The following SUMF1 variants were observed in gnomAD, a reference collection of about 807,000 sequenced individuals.
The protein encoded by SUMF1 is sulfatase modifying factor 1.
A neutral mutation model predicts 47.6 loss-of-function variants in SUMF1; 48 were observed. That is an observed-to-expected ratio of 1.01 (90% CI 0.80 to 1.28). The LOEUF (loss-of-function observed/expected upper bound fraction) is 1.28. Among genes scored for constraint, SUMF1 ranks in the 50% most tolerant of loss-of-function variants. The pLI is 0.00. For synonymous variants in SUMF1, 230 were observed against 192.1 expected, an observed-to-expected ratio of 1.20 and a Z score of -1.63; for missense variants, 571 against 485.4, an observed-to-expected ratio of 1.18 and a Z score of -1.66.
At chr3:4,144,053 C>A (rs1390272181) in intron 8 of SUMF1, among the ~76,000 whole-genome samples, 1 of 149,668 alleles carries the variant, frequency 6.7e-6, no homozygotes, top group East Asian at 2.0e-4. Flanking sequence ...TGTAGTGGCC[C>A]GATCTCGGCT....
At chr3:4,040,668 G>A (rs1178054632) in intron 9 of SUMF1, among the ~76,000 whole-genome samples, 1 of 152,168 alleles carries the variant, frequency 6.6e-6, no homozygotes, top group Admixed American at 6.5e-5. Context: ...TGATTTAGCA[G>A]CAGTATGTCA....
rs145280874 is a variant in SUMF1, at chr3:4,093,951, C to G, written c.1015-25206G>C. On this transcript the variant is annotated intron_variant and NMD_transcript_variant, in intron 8 of 12. Transcript: ENST00000448413. ...TAGGTAGATTAGGCAGGTATATATC[C>G]AAAATGGGAATTGGAAAGAGATTCG... 1.2e-3 allele frequency among the ~76,000 whole-genome samples: 185 copies of G among 151,908 alleles called. 2 individuals carry two copies. Among genetic ancestry groups the G allele is most frequent in the African/African-American group, 4.1e-3 (171 of 41,380 alleles).
intron 1 of SUMF1, among the ~76,000 whole-genome samples, chr3:4,457,508 C>A (rs759360926): frequency 5.9e-5 from 9 of 152,010 alleles, no homozygotes; most frequent in Non-Finnish European, 1.0e-4. Flanking sequence ...TACTACAAAC[C>A]TAATCAAATG....
intron 8 of SUMF1, among the ~76,000 whole-genome samples, chr3:4,168,597 T>C (rs555191650): frequency 2.0e-5 from 3 of 152,358 alleles, no homozygotes; most frequent in Admixed American, 6.5e-5. Flanking sequence ...TATACTTTTA[T>C]GTGTACATAT....
chr3:4,039,623 TGTTGG>T (rs1694872408), intron 9 of SUMF1, among the ~76,000 whole-genome samples: 1 of 148,094 alleles, frequency 6.8e-6, no homozygotes, highest in African/African-American at 2.6e-5. Context: ...AGTCTATCAT[TGTTGG>T]ACATTTGGGT....
intron 8 of SUMF1, among the ~76,000 whole-genome samples, chr3:4,143,006 T>G (rs558816943): frequency 6.6e-6 from 1 of 152,164 alleles, no homozygotes; most frequent in African/African-American, 2.4e-5. Flanking sequence ...CAAAGAATAC[T>G]CTGACAAAGT....
intron 8 of SUMF1, among the ~76,000 whole-genome samples, chr3:4,238,616 G>A (rs1425721557): frequency 6.6e-6 from 1 of 152,026 alleles, no homozygotes; most frequent in African/African-American, 2.4e-5. Flanking sequence ...CTTTTTGATG[G>A]GGTTGTTTCT....
intron 7 of SUMF1, among the ~76,000 whole-genome samples, chr3:4,396,027 A>G (rs1356994648): frequency 6.6e-6 from 1 of 152,240 alleles, no homozygotes; most frequent in Non-Finnish European, 1.5e-5. Context: ...AGGATACTTT[A>G]GAGATTGAAA....
At chr3:4,328,617 C>T (rs969929518) in intron 8 of SUMF1, among the ~76,000 whole-genome samples, 13 of 152,132 alleles carry the variant, frequency 8.5e-5, no homozygotes, top group Admixed American at 2.6e-4. Context: ...CACTTGGTCC[C>T]GCCCTTAACA....
chr3:4,036,608 T>C (rs1402675077), intron 9 of SUMF1, among the ~76,000 whole-genome samples: 1 of 66,706 alleles, frequency 1.5e-5, no homozygotes, highest in Non-Finnish European at 2.9e-5. Context: ...TCCTCAGAAA[T>C]GAATCCATTA....
chr3:4,392,628 T>C (rs1467293985), intron 7 of SUMF1, among the ~76,000 whole-genome samples: 1 of 148,014 alleles, frequency 6.8e-6, no homozygotes, highest in African/African-American at 2.5e-5. Context: ...TATATATATA[T>C]ATATATATAT....
intron 8 of SUMF1, among the ~76,000 whole-genome samples, chr3:4,337,201 CCCTCCCTCCTTT>C (rs1559231364): frequency 2.4e-5 from 3 of 125,820 alleles, no homozygotes; most frequent in Non-Finnish European, 3.3e-5. Context: ...CTCCCTCCCT[CCCTCCCTCCTTT>C]CTTCCTTCCT....
At chr3:4,327,035 G>A (rs1698960457) in intron 8 of SUMF1, among the ~76,000 whole-genome samples, 2 of 152,052 alleles carry the variant, frequency 1.3e-5, no homozygotes, top group Admixed American at 1.3e-4. Context: ...CTAAATTCTG[G>A]AGAAATCAGG....
At chr3:4,209,222 C>T (rs115262424) in intron 8 of SUMF1, among the ~76,000 whole-genome samples, 2,849 of 152,182 alleles carry the variant, frequency 0.019, 40 homozygotes, top group Non-Finnish European at 0.022. Context: ...CTACAATTTC[C>T]AATATGTATA....
At chr3:4,322,249 T>C (rs1317422819) in intron 8 of SUMF1, among the ~76,000 whole-genome samples, 1 of 152,156 alleles carries the variant, frequency 6.6e-6, no homozygotes, top group African/African-American at 2.4e-5. Flanking sequence ...CTTTAGTTAA[T>C]GATGTATCAA....
chr3:4,389,348 C>G (rs1700778577), intron 7 of SUMF1, among the ~76,000 whole-genome samples: 1 of 148,166 alleles, frequency 6.7e-6, no homozygotes, highest in Non-Finnish European at 1.5e-5. Context: ...TTTTTTTTTC[C>G]CTATAGGTAA....
intron 8 of SUMF1, among the ~76,000 whole-genome samples, chr3:4,188,548 G>A (rs902625557): frequency 1.3e-5 from 2 of 152,024 alleles, no homozygotes; most frequent in Non-Finnish European, 2.9e-5. Context: ...TGGGCACTAG[G>A]TTTTCCACAA....
chr3:4,242,312 G>C (rs973277894), intron 8 of SUMF1, among the ~76,000 whole-genome samples: 14 of 152,084 alleles, frequency 9.2e-5, no homozygotes, highest in African/African-American at 3.1e-4. Flanking sequence ...CCAATATTAA[G>C]TTGAATAGGA....
intron 7 of SUMF1, among the ~76,000 whole-genome samples, chr3:4,398,192 A>C (rs975086989): frequency 6.6e-6 from 1 of 152,102 alleles, no homozygotes; most frequent in African/African-American, 2.4e-5. Context: ...AAACCCACCG[A>C]GGTGGGTTTG....
Sources: gnomAD v4.1 joint callset for allele counts (sites outside exome capture counted in the v4.1 genomes callset) on GRCh38, gnomAD v4.1.1 for gene constraint, MANE v1.5 for transcripts, NCBI Gene and HGNC (gene_info 2026-07-23, HGNC 2026-07-21) for gene names.